Variants in APP observed in about 807,000 individuals in gnomAD.
APP encodes the protein amyloid beta precursor protein, also known as amyloid-beta precursor protein.
APP carries 31 observed loss-of-function variants against 101.4 expected under a neutral mutation model. That is an observed-to-expected ratio of 0.31 (90% CI 0.23 to 0.41). The LOEUF (loss-of-function observed/expected upper bound fraction) is 0.41, where lower values mean the gene tolerates loss of function less well. Ranked by LOEUF, APP falls within the 10% of genes least tolerant of loss-of-function variation. The pLI is 1.00. For synonymous variants in APP, 366 were observed against 364.4 expected (o/e 1.00, Z -0.05); for missense variants, 839 against 1,003.7 (o/e 0.84, Z 2.22).
chr21:25,964,313 T>C (rs1436823882), intron 11 of APP, among the ~76,000 whole-genome samples: 2 of 152,210 alleles, frequency 1.3e-5, no homozygotes, highest in Non-Finnish European at 2.9e-5. Context: ...TTTCTCCTCT[T>C]ACGGAGGAAG....
intron 5 of APP, among the ~76,000 whole-genome samples, chr21:26,049,176 G>A (rs537134726): frequency 4.7e-4 from 71 of 152,292 alleles, no homozygotes; most frequent in Admixed American, 9.2e-4. Context: ...GATGAAGCCT[G>A]GGGGTGTGGG....
chr21:25,882,320 G>T (rs1200451191), intron 17 of APP, among the ~76,000 whole-genome samples: 1 of 150,358 alleles, frequency 6.7e-6, no homozygotes, highest in African/African-American at 2.5e-5. Flanking sequence ...GGAGAGGTTT[G>T]AGAATCAATT....
At chr21:26,161,914 A>ATT (rs141093900) in intron 1 of APP, among the ~76,000 whole-genome samples, 3 of 150,456 alleles carry the variant, frequency 2.0e-5, no homozygotes, top group African/African-American at 7.3e-5. Context: ...GTAGATGAGG[A>ATT]TTTTTTTTTT....
intron 3 of APP, among the ~76,000 whole-genome samples, chr21:26,064,115 A>G (rs1005634908): frequency 7.2e-5 from 11 of 152,244 alleles, no homozygotes; most frequent in Non-Finnish European, 7.3e-5. Flanking sequence ...GAGAAGTATA[A>G]AGAAACTGTC....
intron 5 of APP, among the ~76,000 whole-genome samples, chr21:26,027,009 A>C (rs2044608294): frequency 6.6e-6 from 1 of 152,240 alleles, no homozygotes; most frequent in Non-Finnish European, 1.5e-5. Context: ...AAACTGCTCT[A>C]AAACAATAAA....
At chr21:25,925,683 C>T (rs1317433653) in intron 13 of APP, among the ~76,000 whole-genome samples, 1 of 152,204 alleles carries the variant, frequency 6.6e-6, no homozygotes, top group African/African-American at 2.4e-5. Context: ...GCCTGTAACC[C>T]CAGCACTTTG....
intron 14 of APP, among the ~76,000 whole-genome samples, chr21:25,909,738 G>A (rs932400452): frequency 1.1e-4 from 16 of 152,170 alleles, no homozygotes; most frequent in Non-Finnish European, 4.4e-5. Context: ...GAGACTGAAT[G>A]AAGAGGACCT....
intron 5 of APP, among the ~76,000 whole-genome samples, chr21:26,039,306 G>A (rs750823305): frequency 1.3e-5 from 2 of 152,158 alleles, no homozygotes; most frequent in African/African-American, 2.4e-5. Context: ...TTGACAATAA[G>A]TAACAGCTCT....
chr21:26,170,731 C>A lies in APP; in HGVS notation c.-111G>T, dbSNP rs459543. 2.4e-5 allele frequency: 28 copies of A among 1,143,618 alleles called. No individual in the cohort carries two copies. The East Asian group carries it at 7.5e-4, about 31-fold the overall frequency. The allele number at this position is 1,143,618 out of a possible 1,614,324, so 70.8% of individuals were successfully genotyped here. ...GTCTCCCGGGGCCCCCGCGCACGCT[C>A]CTCCGCGTGCTCTCGCCTACCGCTG... On this transcript the variant is annotated 5_prime_UTR_variant, in exon 1 of 18. Transcript: ENST00000346798.
At chr21:25,973,164 C>CA (rs34239681) in intron 11 of APP, among the ~76,000 whole-genome samples, 8,435 of 146,656 alleles carry the variant, frequency 0.058, 315 homozygotes, top group South Asian at 0.095. Flanking sequence ...CTAATTAATC[C>CA]AAAAAAAAAA....
In APP at chr21:26,008,738, T is replaced by C. The variant is rs115160876; in HGVS notation, c.866-8556A>G. ...CACATGTAGGGAGACTGTAAGAGTT[T>C]TTCGGTTTCCTTGGTCTTGAGGTGT... On this transcript the variant is annotated intron_variant, in intron 6 of 17. Coordinates refer to ENST00000346798, the MANE Select transcript of APP (RefSeq NM_000484.4). Among the ~76,000 whole-genome samples, 460 of 152,300 alleles carry C rather than the reference T, an allele frequency of 3.0e-3. 2 individuals carry two copies. Among genetic ancestry groups the C allele is most frequent in the African/African-American group, 0.01 (436 of 41,564 alleles).
At position 26,089,927 on chromosome 21, in the gene APP, C is replaced by T. The variant is rs201791126; in HGVS notation, c.355+16G>A. On this transcript the variant is annotated intron_variant, in intron 3 of 17. Transcript: ENST00000346798. ...AGGCCCCCAATCAACACCAGCCCCACGGCCGGCCGGCTCACCTAAGCAGCG... is the reference window on the plus strand; with the variant it reads ...AGGCCCCCAATCAACACCAGCCCCATGGCCGGCCGGCTCACCTAAGCAGCG... 2.7e-5 allele frequency: 43 copies of T among 1,613,616 alleles called. 1 individual carries two copies. The Middle Eastern group carries it at 2.5e-3, about 93-fold the overall frequency.
chr21:26,108,792 G>A (rs1340488230), intron 2 of APP, among the ~76,000 whole-genome samples: 1 of 152,078 alleles, frequency 6.6e-6, no homozygotes, highest in African/African-American at 2.4e-5. Context: ...GCTGAGGCAG[G>A]AGAATCATTT....
chr21:25,905,213 A>G, intron 14 of APP, 136 bp from the exon 15 acceptor site: 1 of 756,028 alleles, frequency 1.3e-6, no homozygotes, highest in Non-Finnish European at 2.3e-6. Flanking sequence ...GCCAGAAAAG[A>G]ACCACAGTGA....
chr21:26,034,676 AAAAAG>A (rs1298025883), intron 5 of APP, among the ~76,000 whole-genome samples: 3 of 151,814 alleles, frequency 2.0e-5, no homozygotes, highest in Non-Finnish European at 2.9e-5. Flanking sequence ...AAAAGAAAAG[AAAAAG>A]AAATCTATTA....
intron 13 of APP, among the ~76,000 whole-genome samples, chr21:25,945,091 G>C (rs1473986630): frequency 1.3e-5 from 2 of 152,138 alleles, no homozygotes; most frequent in East Asian, 1.9e-4. Context: ...AAAAATAAAA[G>C]AATGGCATAA....
At chr21:25,986,569 G>A (rs545809666) in intron 8 of APP, among the ~76,000 whole-genome samples, 6 of 152,140 alleles carry the variant, frequency 3.9e-5, no homozygotes, top group South Asian at 2.1e-4. Flanking sequence ...GTGTGGTGGC[G>A]CATGCCTGTA....
intron 13 of APP, among the ~76,000 whole-genome samples, chr21:25,950,853 C>T (rs897444655): frequency 6.6e-6 from 1 of 151,956 alleles, no homozygotes; most frequent in Admixed American, 6.6e-5. Context: ...GAACTTGCAA[C>T]TAATAAGAAA....
intron 15 of APP, among the ~76,000 whole-genome samples, chr21:25,902,983 A>G (rs996271028): frequency 1.3e-5 from 2 of 152,192 alleles, no homozygotes; most frequent in Non-Finnish European, 2.9e-5. Context: ...ACCATTAACT[A>G]TTCTCTAGCT....
Sources: gnomAD v4.1 joint callset for allele counts (sites outside exome capture counted in the v4.1 genomes callset) on GRCh38, gnomAD v4.1.1 for gene constraint, MANE v1.5 for transcripts, NCBI Gene and HGNC (gene_info 2026-07-23, HGNC 2026-07-21) for gene names.